The following SEC14L6 variants were observed in gnomAD, a reference collection of about 807,000 sequenced individuals.
SEC14L6 encodes SEC14 like lipid binding 6, also known as SEC14-like protein 6.
Under a neutral mutation model 54.1 loss-of-function variants are expected in SEC14L6, and 40 were observed. The observed-to-expected ratio is 0.74, with a 90% confidence interval of 0.57 to 0.96. The LOEUF is 0.96. SEC14L6 is among the 40% of genes least tolerant of loss of function. The probability of loss-of-function intolerance (pLI) is 0.00; values close to 1 mark genes in which losing one functional copy is unlikely to be tolerated. For missense variants in SEC14L6, 471 were observed against 498.3 expected (o/e 0.95, Z 0.52); for synonymous variants, 171 against 198.4 (o/e 0.86, Z 1.16).
chr22:30,545,096 G>T (rs950920522), intron 1 of SEC14L6, among the ~76,000 whole-genome samples: 1 of 152,062 alleles, frequency 6.6e-6, no homozygotes, highest in African/African-American at 2.4e-5. Context: ...CATGCTCATG[G>T]AACCGTGTGA....
Position 30,543,754 on chromosome 22 carries a change from A to G in SEC14L6, c.54+2875T>C, listed in dbSNP as rs62227009. 1,763 of 1,572,938 alleles carry G rather than the reference A, an allele frequency of 1.1e-3. 1 individual carries two copies. The highest frequency in any genetic ancestry group is 1.4e-3 in the Non-Finnish European group (1,633 of 1,142,598). On this transcript the variant is annotated intron_variant, in intron 1 of 11. Coordinates refer to ENST00000402034, the MANE Select transcript of SEC14L6 (RefSeq NM_001193336.4). ...GATGGAGGCTCTCTACCTCGTCCGA[A>G]TCAGACAGAAGAAAGCCCAGGGCTC... is the stretch of plus-strand genomic sequence containing the variant.
Position 30,531,960 on chromosome 22 carries a change from A to G in SEC14L6, c.462T>C (p.Gly154=). 1 of 1,550,860 alleles carries G rather than the reference A, an allele frequency of 6.4e-7. No homozygotes were observed. Among genetic ancestry groups the G allele is most frequent in the Non-Finnish European group, 8.7e-7 (1 of 1,147,034 alleles). Residue 154 remains glycine, a synonymous_variant, in exon 6 of 12, where the codon GGT becomes GGC. Coordinates refer to ENST00000402034, the MANE Select transcript of SEC14L6 (RefSeq NM_001193336.4). ...GATCCCTCAGGCCCAGCCCTTCGAG[A>G]CCAAAAATAGCTATGATTTTCTCCA... is the stretch of plus-strand genomic sequence containing the variant. ...KRVEKIIAIF[G]LEGLGLRDLW...
At chr22:30,530,147 C>T (rs146913144) in intron 6 of SEC14L6, among the ~76,000 whole-genome samples, 1,564 of 152,136 alleles carry the variant, frequency 0.01, 29 homozygotes, top group African/African-American at 0.036. Flanking sequence ...TGGTGGCTCA[C>T]GCCTGTAATC....
intron 6 of SEC14L6, among the ~76,000 whole-genome samples, chr22:30,530,313 G>C (rs1459474391): frequency 6.6e-6 from 1 of 152,174 alleles, no homozygotes; most frequent in Non-Finnish European, 1.5e-5. Context: ...GGGAGGCTGA[G>C]GCAGGAGCAT....
intron 1 of SEC14L6, chr22:30,543,874 A>G (rs2085768190): frequency 1.3e-6 from 2 of 1,557,472 alleles, no homozygotes; most frequent in East Asian, 4.5e-5. Context: ...GAACCTGCCC[A>G]AGGGGAAGAA....
chr22:30,543,612 G>A, intron 1 of SEC14L6: 23 of 1,613,554 alleles, frequency 1.4e-5, no homozygotes, highest in Non-Finnish European at 1.9e-5. Context: ...ATGACCTGAA[G>A]GTCTCAGCCC....
chr22:30,528,649 C>T (rs1639762437), intron 8 of SEC14L6, among the ~76,000 whole-genome samples: 1 of 151,698 alleles, frequency 6.6e-6, no homozygotes, highest in Non-Finnish European at 1.5e-5. Context: ...GTCTCCAACT[C>T]CTGAGCTCAA....
chr22:30,541,419 G>C (rs1004270421), intron 1 of SEC14L6, among the ~76,000 whole-genome samples: 4 of 152,216 alleles, frequency 2.6e-5, no homozygotes, highest in Non-Finnish European at 5.9e-5. Flanking sequence ...AATACTTTGG[G>C]AAGCCGAGGT....
intron 1 of SEC14L6, among the ~76,000 whole-genome samples, chr22:30,540,609 G>C (rs2085687579): frequency 1.3e-5 from 2 of 151,790 alleles, no homozygotes; most frequent in East Asian, 1.9e-4. Flanking sequence ...CCAGCTACTT[G>C]GGAGGCTGTG....
intron 1 of SEC14L6, chr22:30,543,476 C>T: frequency 5.0e-6 from 8 of 1,612,488 alleles, no homozygotes; most frequent in Non-Finnish European, 4.2e-6. Context: ...TCAACTCTTA[C>T]AGAGAACAAG....
intron 11 of SEC14L6, 60 bp from the exon 12 acceptor site, chr22:30,525,169 T>G: frequency 7.8e-7 from 1 of 1,281,058 alleles, no homozygotes; most frequent in Admixed American, 2.0e-5. Flanking sequence ...ACTTCCATGG[T>G]GGTAAATCTC....
intron 6 of SEC14L6, 73 bp from the exon 7 acceptor site, chr22:30,529,422 C>T: frequency 2.4e-6 from 3 of 1,258,280 alleles, no homozygotes; most frequent in East Asian, 2.5e-5. Context: ...CCCCACCCTC[C>T]AGGACCCAAG....
chr22:30,529,173 G>A lies in SEC14L6; in HGVS notation c.581-3C>T, dbSNP rs1252321433. 3.2e-6 allele frequency: 5 copies of A among 1,550,796 alleles called. No individual in the cohort carries two copies. The African/African-American group carries it at 6.8e-5, about 21-fold the overall frequency. On this transcript the variant is annotated splice_polypyrimidine_tract_variant and splice_region_variant and intron_variant, in intron 7 of 11. Transcript: ENST00000402034. The stretch of plus-strand genomic sequence containing the variant: ...GGCTACGGCGAATAGCTTGGGGGCT[G>A]AAACCAGGCACAGAACTGCTCCCTC...
At chr22:30,542,880 C>A in intron 1 of SEC14L6, 2 of 1,600,534 alleles carry the variant, frequency 1.2e-6, no homozygotes, top group Non-Finnish European at 1.7e-6. Context: ...CCAACATGGA[C>A]TTTTCCATCT....
intron 8 of SEC14L6, 143 bp downstream of exon 8, chr22:30,528,944 A>T (rs929011323): frequency 7.2e-6 from 5 of 692,856 alleles, no homozygotes; most frequent in African/African-American, 3.6e-5. Context: ...ACAGCAGCCC[A>T]CCTGGCAGCC....
At chr22:30,542,586 G>C in intron 1 of SEC14L6, 2 of 1,481,850 alleles carry the variant, frequency 1.3e-6, no homozygotes, top group South Asian at 1.3e-5. Context: ...GAGCCCGCGG[G>C]CCGGTCCCCG....
At chr22:30,538,450 C>A (rs990123249) in intron 2 of SEC14L6, among the ~76,000 whole-genome samples, 1 of 152,128 alleles carries the variant, frequency 6.6e-6, no homozygotes, top group Non-Finnish European at 1.5e-5. Context: ...TCACTTATGG[C>A]GGGAAGCCAA....
At chr22:30,533,666 A>T (rs1382075969) in intron 3 of SEC14L6, among the ~76,000 whole-genome samples, 1 of 151,138 alleles carries the variant, frequency 6.6e-6, no homozygotes, top group African/African-American at 2.4e-5. Flanking sequence ...TGTGCTCTTC[A>T]CCCTGATCTT....
chr22:30,535,274 C>T (rs1937107884), intron 2 of SEC14L6, among the ~76,000 whole-genome samples: 1 of 152,232 alleles, frequency 6.6e-6, no homozygotes, highest in Non-Finnish European at 1.5e-5. Flanking sequence ...CTGAGCCCAG[C>T]CTTAGCTGGG....
Sources: allele counts gnomAD v4.1 joint callset (sites outside exome capture counted in the v4.1 genomes callset), GRCh38; gene constraint gnomAD v4.1.1; transcripts MANE v1.5; gene names NCBI Gene and HGNC (gene_info 2026-07-23, HGNC 2026-07-21).